The following UBXN8 variants were observed in gnomAD, a reference collection of about 807,000 sequenced individuals.
UBXN8 encodes the protein UBX domain-containing protein 8.
In UBXN8, 27 loss-of-function variants were observed where a neutral mutation model predicts 32.1. The observed-to-expected ratio is 0.84, with a 90% CI of 0.62 to 1.16. UBXN8 has a LOEUF of 1.16. Among genes scored for constraint, UBXN8 ranks in the 50% most tolerant of loss-of-function variants. The probability of loss-of-function intolerance (pLI) is 0.00; values close to 1 mark genes in which losing one functional copy is unlikely to be tolerated. For synonymous variants in UBXN8, 109 were observed against 111.8 expected (o/e 0.98, Z 0.16); for missense variants, 306 against 311.4 (o/e 0.98, Z 0.13).
At chr8:30,762,127 G>C (rs535206699) in intron 6 of UBXN8, among the ~76,000 whole-genome samples, 13 of 147,744 alleles carry the variant, frequency 8.8e-5, no homozygotes, top group Non-Finnish European at 1.8e-4. Context: ...GTCTTGGCAC[G>C]ATCATAGCTG....
chr8:30,748,095 C>T (rs1355547331), intron 1 of UBXN8, among the ~76,000 whole-genome samples: 1 of 149,830 alleles, frequency 6.7e-6, no homozygotes, highest in Non-Finnish European at 1.5e-5. Flanking sequence ...CCTTTATTGT[C>T]AATACATTTT....
At chr8:30,751,138 A>C (rs1456162859) in intron 1 of UBXN8, among the ~76,000 whole-genome samples, 1 of 152,226 alleles carries the variant, frequency 6.6e-6, no homozygotes, top group Admixed American at 6.5e-5. Flanking sequence ...GAACAAAATC[A>C]TAAGACAGTT....
At chr8:30,757,004 T>C (rs1805681388) in intron 5 of UBXN8, 117 bp downstream of exon 5, 14 of 1,423,518 alleles carry the variant, frequency 9.8e-6, no homozygotes, top group South Asian at 1.4e-5. Context: ...AGATGGTGTC[T>C]TCCCACTGCC....
At chr8:30,740,256 T>C (rs1249018535), upstream of UBXN8, among the ~76,000 whole-genome samples, 2 of 151,232 alleles carry the variant, frequency 1.3e-5, no homozygotes, top group African/African-American at 4.9e-5. Context: ...ACTCAAGGAA[T>C]GGTATGCTCA....
intron 1 of UBXN8, among the ~76,000 whole-genome samples, chr8:30,736,292 A>G (rs1306722639): frequency 6.6e-6 from 1 of 152,218 alleles, no homozygotes; most frequent in Non-Finnish European, 1.5e-5. Flanking sequence ...CATCCTCAGA[A>G]GATAACATCT....
intron 5 of UBXN8, among the ~76,000 whole-genome samples, chr8:30,760,560 G>A (rs748186824): frequency 1.5e-4 from 22 of 150,490 alleles, no homozygotes; most frequent in Non-Finnish European, 2.7e-4. Context: ...TTACGGACAT[G>A]AGCCACTGCA....
rs532863925 is a variant in UBXN8 at position 30,759,189 on chromosome 8, G to T, written c.529-1699G>T. 6.0e-5 allele frequency among the ~76,000 whole-genome samples: 9 copies of T among 149,280 alleles called. No homozygotes were observed. The South Asian group carries it at 1.7e-3, about 28-fold the overall frequency. The stretch of plus-strand genomic sequence containing the variant: ...ATTACAGGCGTGAGCCACCACGCCC[G>T]GCCACAAATGTCTTAATGAAAGAAA... On this transcript the variant is annotated intron_variant, in intron 5 of 7. Transcript: ENST00000265616.
chr8:30,729,225 G>A (rs1465873206), upstream of UBXN8, among the ~76,000 whole-genome samples: 1 of 152,252 alleles, frequency 6.6e-6, no homozygotes, highest in Non-Finnish European at 1.5e-5. Flanking sequence ...CTCCTGGGTA[G>A]GCAATTGCCC....
At chr8:30,736,130 G>A (rs762611207) in intron 1 of UBXN8, among the ~76,000 whole-genome samples, 3 of 152,178 alleles carry the variant, frequency 2.0e-5, no homozygotes, top group Non-Finnish European at 4.4e-5. Context: ...CCCAATATCA[G>A]TGTTTAATAT....
chr8:30,751,788 T>C (rs1040475525), intron 2 of UBXN8, among the ~76,000 whole-genome samples: 2 of 152,192 alleles, frequency 1.3e-5, no homozygotes, highest in Non-Finnish European at 2.9e-5. Flanking sequence ...TAAGTTGTTA[T>C]ATGGTAAATT....
intron 1 of UBXN8, among the ~76,000 whole-genome samples, chr8:30,737,463 T>C (rs1586085393): frequency 1.3e-5 from 2 of 152,218 alleles, no homozygotes; most frequent in South Asian, 2.1e-4. Flanking sequence ...CACACACTAG[T>C]GTACAGACTC....
intron 1 of UBXN8, 81 bp downstream of exon 1, chr8:30,744,358 CTGCGT>C: frequency 7.1e-7 from 1 of 1,405,932 alleles, no homozygotes; most frequent in South Asian, 1.2e-5. Flanking sequence ...GCCTCTTCGG[CTGCGT>C]GGCTTCGGAG....
chr8:30,732,365 C>T, upstream of UBXN8: 2 of 397,624 alleles, frequency 5.0e-6, no homozygotes, highest in Middle Eastern at 6.3e-4. Flanking sequence ...GATCTGCCAA[C>T]AGCAGGTACG....
At chr8:30,762,908 C>T (rs1395679179) in intron 6 of UBXN8, among the ~76,000 whole-genome samples, 1 of 151,666 alleles carries the variant, frequency 6.6e-6, no homozygotes, top group Non-Finnish European at 1.5e-5. Context: ...CTTGCTGTGT[C>T]ATCCAGGCTG....
intron 5 of UBXN8, among the ~76,000 whole-genome samples, chr8:30,758,679 C>A (rs544441406): frequency 6.6e-6 from 1 of 152,242 alleles, no homozygotes; most frequent in African/African-American, 2.4e-5. Context: ...ATTAAAAATT[C>A]ATGTTTGTGT....
upstream of UBXN8, among the ~76,000 whole-genome samples, chr8:30,731,054 T>C (rs181962004): frequency 1.3e-5 from 2 of 152,388 alleles, no homozygotes; most frequent in East Asian, 3.9e-4. Context: ...TCAGCCTGGC[T>C]GTCAGAGCTT....
intron 4 of UBXN8, chr8:30,756,028 C>CTT (rs1001944786): frequency 3.6e-5 from 5 of 140,476 alleles, no homozygotes; most frequent in South Asian, 2.2e-4. Context: ...TTTAAATTTT[C>CTT]TTTTTTTTTT....
chr8:30,758,135 A>T (rs1264939467), intron 5 of UBXN8, among the ~76,000 whole-genome samples: 1 of 152,070 alleles, frequency 6.6e-6, no homozygotes, highest in Non-Finnish European at 1.5e-5. Flanking sequence ...TGACCACGTG[A>T]TCCGCCCGCC....
At chr8:30,742,506 C>G (rs1001835397), upstream of UBXN8, among the ~76,000 whole-genome samples, 1 of 152,106 alleles carries the variant, frequency 6.6e-6, no homozygotes, top group Admixed American at 6.6e-5. Context: ...TACGCCATCA[C>G]GCGCAGCTAT....
Sources: gnomAD v4.1 joint callset for allele counts (sites outside exome capture counted in the v4.1 genomes callset) on GRCh38, gnomAD v4.1.1 for gene constraint, MANE v1.5 for transcripts, NCBI Gene and HGNC (gene_info 2026-07-23, HGNC 2026-07-21) for gene names.